CTNNA2: variants seen among roughly 807,000 people sequenced by gnomAD.
CTNNA2 encodes catenin alpha-2.
In CTNNA2, 42 loss-of-function variants were observed where a neutral mutation model predicts 101.0. The observed-to-expected ratio is 0.42, with a 90% CI of 0.32 to 0.54. The LOEUF is 0.54. Among genes scored for constraint, CTNNA2 ranks in the 20% least tolerant of loss-of-function variants. The pLI is 0.14. For missense variants in CTNNA2, 871 were observed against 1,223.1 expected (o/e 0.71, Z 4.29); for synonymous variants, 450 against 456.4 (o/e 0.99, Z 0.18).
intron 7 of CTNNA2, among the ~76,000 whole-genome samples, chr2:80,089,319 G>A (rs1192620917): frequency 1.3e-5 from 2 of 151,892 alleles, no homozygotes; most frequent in Non-Finnish European, 2.9e-5. Flanking sequence ...TTTCATTGAG[G>A]GCTTCTCTGG....
chr2:79,659,982 G>A (rs934654349), intron 2 of CTNNA2, among the ~76,000 whole-genome samples: 3 of 152,160 alleles, frequency 2.0e-5, no homozygotes, highest in East Asian at 3.9e-4. Context: ...AACAGCATGA[G>A]ATCCCATCTC....
chr2:79,214,552 G>A (rs2104207127), intron 2 of CTNNA2, among the ~76,000 whole-genome samples: 1 of 152,280 alleles, frequency 6.6e-6, no homozygotes, highest in South Asian at 2.1e-4. Flanking sequence ...CGTGCTATGG[G>A]ATGGGATATT....
intron 1 of CTNNA2, among the ~76,000 whole-genome samples, chr2:79,579,962 C>A (rs1021664394): frequency 6.6e-6 from 1 of 152,076 alleles, no homozygotes; most frequent in Non-Finnish European, 1.5e-5. Context: ...AGCTCGGAGA[C>A]CATCTGACAC....
chr2:80,569,633 G>GTTTTTTGTTTTTTTTTTTTTTTTTTTT (rs1553392642), intron 12 of CTNNA2, among the ~76,000 whole-genome samples: 2 of 51,718 alleles, frequency 3.9e-5, no homozygotes, highest in African/African-American at 1.2e-4. Flanking sequence ...GGGTATTTAG[G>GTTTTTTGTTTTTTTTTTTTTTTTTTTT]TTTTTTTTTT....
intron 2 of CTNNA2, among the ~76,000 whole-genome samples, chr2:79,261,815 T>C (rs957753978): frequency 1.3e-5 from 2 of 152,202 alleles, no homozygotes; most frequent in Non-Finnish European, 2.9e-5. Context: ...ATTCAGTCTA[T>C]AACAATTAAC....
chr2:80,129,841 A>G (rs1474413886), intron 7 of CTNNA2, among the ~76,000 whole-genome samples: 1 of 152,152 alleles, frequency 6.6e-6, no homozygotes, highest in Non-Finnish European at 1.5e-5. Flanking sequence ...GCTTCTGCCC[A>G]TCTAGTGCAA....
intron 3 of CTNNA2, among the ~76,000 whole-genome samples, chr2:79,781,361 C>G (rs1293961254): frequency 6.6e-6 from 1 of 152,138 alleles, no homozygotes; most frequent in Admixed American, 6.5e-5. Flanking sequence ...ATCTTTAGAC[C>G]TGTATCTTGT....
intron 2 of CTNNA2, among the ~76,000 whole-genome samples, chr2:79,278,186 G>A (rs1675263254): frequency 6.6e-6 from 1 of 152,086 alleles, no homozygotes; most frequent in Non-Finnish European, 1.5e-5. Flanking sequence ...ATGGAGACAT[G>A]AGCCAAGAAA....
At chr2:80,162,657 T>A (rs1704403644) in intron 7 of CTNNA2, 4 of 1,612,586 alleles carry the variant, frequency 2.5e-6, no homozygotes, top group Non-Finnish European at 3.4e-6. Context: ...GACTTTACGC[T>A]GTGATGATGG....
chr2:80,627,690 G>A (rs1360561968), intron 18 of CTNNA2, among the ~76,000 whole-genome samples: 1 of 152,076 alleles, frequency 6.6e-6, no homozygotes. Flanking sequence ...TTCCTTTGCT[G>A]TGCAGAAGTT....
intron 7 of CTNNA2, among the ~76,000 whole-genome samples, chr2:80,160,912 T>C (rs529469316): frequency 2.3e-4 from 35 of 152,182 alleles, no homozygotes; most frequent in Non-Finnish European, 4.9e-4. Context: ...TTTTGGTAGA[T>C]ACATTATATC....
At chr2:80,106,113 C>T (rs925858206) in intron 7 of CTNNA2, among the ~76,000 whole-genome samples, 27 of 152,188 alleles carry the variant, frequency 1.8e-4, no homozygotes, top group African/African-American at 6.5e-4. Context: ...TTTTATTGGG[C>T]TGGTTAACTG....
In CTNNA2 at chr2:79,238,597, G is replaced by C. The variant is rs190113288; in HGVS notation, c.-406+40521G>C. 3.6e-3 allele frequency among the ~76,000 whole-genome samples: 550 copies of C among 152,270 alleles called. 7 individuals are homozygous for C. The highest frequency in any genetic ancestry group is 0.012 in the African/African-American group (514 of 41,562). ...GCAGTAAATTAAGGTGCAATGAAAT[G>C]AGATATGCCTGTATTAATTTTTCCA... On this transcript the variant is annotated intron_variant, in intron 2 of 21. Transcript: ENST00000466387.
intron 6 of CTNNA2, among the ~76,000 whole-genome samples, chr2:79,881,073 C>G (rs553346194): frequency 6.6e-6 from 1 of 151,996 alleles, no homozygotes; most frequent in African/African-American, 2.4e-5. Flanking sequence ...CATTATTTAC[C>G]CAGGAGTCAC....
chr2:79,276,107 G>A (rs951853408), intron 2 of CTNNA2, among the ~76,000 whole-genome samples: 4 of 152,028 alleles, frequency 2.6e-5, no homozygotes, highest in South Asian at 2.1e-4. Flanking sequence ...AAACTGAGGC[G>A]CAAATATGCA....
chr2:80,505,698 C>G (rs1283314406), intron 9 of CTNNA2, among the ~76,000 whole-genome samples: 4 of 152,190 alleles, frequency 2.6e-5, no homozygotes, highest in African/African-American at 9.6e-5. Flanking sequence ...GTCCAGTAAG[C>G]CTCATGTACA....
intron 3 of CTNNA2, among the ~76,000 whole-genome samples, chr2:79,763,881 G>C (rs540413221): frequency 9.2e-5 from 14 of 152,206 alleles, no homozygotes; most frequent in Non-Finnish European, 1.9e-4. Flanking sequence ...TGTTTAATAC[G>C]AAGTTATCAA....
chr2:80,522,229 GTAGT>G (rs962593944), intron 9 of CTNNA2, among the ~76,000 whole-genome samples: 4 of 152,172 alleles, frequency 2.6e-5, no homozygotes, highest in African/African-American at 9.7e-5. Context: ...AGGGTGATTG[GTAGT>G]TAGTGTGAGC....
intron 7 of CTNNA2, among the ~76,000 whole-genome samples, chr2:79,987,201 A>C (rs1335476960): frequency 6.6e-6 from 1 of 152,204 alleles, no homozygotes; most frequent in African/African-American, 2.4e-5. Context: ...TGTGTCCTCC[A>C]TCTTTTTTGT....
Sources: allele counts gnomAD v4.1 joint callset (sites outside exome capture counted in the v4.1 genomes callset), GRCh38; gene constraint gnomAD v4.1.1; transcripts MANE v1.5; gene names NCBI Gene and HGNC (gene_info 2026-07-23, HGNC 2026-07-21).